Variants in COL19A1 observed in about 807,000 individuals in gnomAD.
The protein encoded by COL19A1 is collagen alpha-1(XIX) chain.
COL19A1 carries 159 observed loss-of-function variants against 190.2 expected under a neutral mutation model. That is an observed-to-expected ratio of 0.84 (90% CI 0.73 to 0.95). The LOEUF (loss-of-function observed/expected upper bound fraction) is 0.95. Among genes scored for constraint, COL19A1 ranks in the 40% least tolerant of loss-of-function variants. COL19A1 has a pLI of 0.00. For synonymous variants in COL19A1, 509 were observed against 458.9 expected, an observed-to-expected ratio of 1.11 and a Z score of -1.39; for missense variants, 1,418 against 1,431.9, an observed-to-expected ratio of 0.99 and a Z score of 0.16.
intron 2 of COL19A1, among the ~76,000 whole-genome samples, chr6:69,894,723 A>G (rs1219065340): frequency 6.6e-6 from 1 of 152,214 alleles, no homozygotes; most frequent in Non-Finnish European, 1.5e-5. Context: ...TGCTAAACAA[A>G]GCCTTGCCAA....
At position 69,870,821 on chromosome 6, in the gene COL19A1, C is replaced by T. The variant is rs565846472; in HGVS notation, c.-33+4181C>T. Among the ~76,000 whole-genome samples, 38 of 152,252 alleles carry T rather than the reference C, an allele frequency of 2.5e-4. No homozygotes were observed. In the South Asian group the frequency reaches 7.7e-3, roughly 31 times the overall value. On this transcript the variant is annotated intron_variant, in intron 1 of 50. Transcript: ENST00000620364. The stretch of plus-strand genomic sequence containing the variant: ...TTTTCCAGATTAGGAATGGTAAAAA[C>T]GTGAACTAAGGCAGTTTCAGCGAGG...
intron 12 of COL19A1, among the ~76,000 whole-genome samples, chr6:70,029,238 A>G (rs1778895876): frequency 6.6e-6 from 1 of 152,150 alleles, no homozygotes; most frequent in South Asian, 2.1e-4. Context: ...AACAAATAAT[A>G]TTTTTATATT....
At chr6:69,966,839 C>G (rs1027495695) in intron 11 of COL19A1, among the ~76,000 whole-genome samples, 1 of 151,130 alleles carries the variant, frequency 6.6e-6, no homozygotes, top group African/African-American at 2.4e-5. Flanking sequence ...GCTCTTCACT[C>G]CTTAACCCTG....
At position 70,156,121 on chromosome 6, in the gene COL19A1, CATT is replaced by C. The variant is rs762167829; in HGVS notation, c.2080-4_2080-2del. 8 of 1,611,516 alleles carry C rather than the reference CATT, an allele frequency of 5.0e-6. No homozygotes were observed. In the African/African-American group the frequency reaches 6.7e-5, roughly 13 times the overall value. On this transcript the variant is annotated splice_polypyrimidine_tract_variant and splice_region_variant and intron_variant, in intron 31 of 50. Coordinates refer to ENST00000620364, the MANE Select transcript of COL19A1 (RefSeq NM_001858.6). Reference sequence around the variant, plus strand: ...CCCTCAGTAACCTTATCTTTATACTCATTAGAATTTCTGTGGCAACTGCCAAGC... The same window carrying C: ...CCCTCAGTAACCTTATCTTTATACTCAGAATTTCTGTGGCAACTGCCAAGC...
intron 49 of COL19A1, 59 bp downstream of exon 49, chr6:70,199,795 G>A: frequency 6.6e-7 from 1 of 1,508,354 alleles, no homozygotes; most frequent in Non-Finnish European, 8.9e-7. Context: ...TTTATAACAT[G>A]TTAGTCACAG....
Position 70,029,754 on chromosome 6 carries a change from G to A in COL19A1, c.1081-4491G>A, listed in dbSNP as rs3793037. On this transcript the variant is annotated intron_variant, in intron 12 of 50. Transcript: ENST00000620364. ...TAAAAGTAGAAGCTTGACAAATGCAGTACTTCTCAATTGCATTTTATCCTA... is the reference window on the plus strand; with the variant it reads ...TAAAAGTAGAAGCTTGACAAATGCAATACTTCTCAATTGCATTTTATCCTA... Among the ~76,000 whole-genome samples, 1,082 of 152,282 alleles carry A rather than the reference G, an allele frequency of 7.1e-3. 25 individuals carry two copies. In the East Asian group the frequency reaches 0.086, roughly 12 times the overall value.
intron 14 of COL19A1, among the ~76,000 whole-genome samples, chr6:70,064,427 C>G (rs1448822958): frequency 6.6e-6 from 1 of 152,164 alleles, no homozygotes. Flanking sequence ...ATGCTAAAAA[C>G]TCTCAATAAA....
At chr6:70,192,714 A>C (rs188068746) in intron 48 of COL19A1, among the ~76,000 whole-genome samples, 70 of 152,348 alleles carry the variant, frequency 4.6e-4, no homozygotes, top group Non-Finnish European at 1.0e-4. Flanking sequence ...ACTTGTTAAA[A>C]AATGATTAAG....
At chr6:70,001,994 A>G (rs1582654033) in intron 11 of COL19A1, among the ~76,000 whole-genome samples, 1 of 152,042 alleles carries the variant, frequency 6.6e-6, no homozygotes, top group Non-Finnish European at 1.5e-5. Context: ...ATGATATTGG[A>G]TGTGGGTTTA....
chr6:70,184,983 C>A, intron 46 of COL19A1, 68 bp downstream of exon 46: 2 of 1,489,278 alleles, frequency 1.3e-6, no homozygotes, highest in Non-Finnish European at 1.8e-6. Flanking sequence ...ATTTGAGTTA[C>A]ACAATTATGT....
chr6:69,954,271 C>G (rs567884322), intron 9 of COL19A1, among the ~76,000 whole-genome samples: 1 of 151,974 alleles, frequency 6.6e-6, no homozygotes, highest in South Asian at 2.1e-4. Flanking sequence ...GTCTATACAC[C>G]CTGCTAAAAT....
Position 70,180,340 on chromosome 6 carries a change from G to A in COL19A1, c.2696G>A (p.Gly899Glu), listed in dbSNP as rs1766092582. ...SGKPGAPGPP[G>E]VPGEPGERGP... is the part of the protein sequence containing the mutation. ...AAACCTGGTGCCCCAGGGCCTCCAGGAGTTCCAGGGGAACCGGTGAGTTGG... is the reference window on the plus strand; with the variant it reads ...AAACCTGGTGCCCCAGGGCCTCCAGAAGTTCCAGGGGAACCGGTGAGTTGG... Residue 899 changes from glycine to glutamate, a missense_variant, in exon 43 of 51, where the codon GGA becomes GAA. Physicochemically the swap from Gly to Glu is moderately conservative, Grantham distance 98. Coordinates refer to ENST00000620364, the MANE Select transcript of COL19A1 (RefSeq NM_001858.6). 6.2e-7 allele frequency: 1 copy of A among 1,614,018 alleles called. No individual in the cohort carries two copies. Among genetic ancestry groups the A allele is most frequent in the Non-Finnish European group, 8.5e-7 (1 of 1,180,024 alleles).
intron 15 of COL19A1, among the ~76,000 whole-genome samples, chr6:70,073,739 A>G (rs867417676): frequency 1.3e-5 from 2 of 152,164 alleles, no homozygotes; most frequent in Non-Finnish European, 2.9e-5. Flanking sequence ...AGAGTAGACT[A>G]TTGCCTTTTC....
At chr6:70,039,491 A>T (rs1779526408) in intron 14 of COL19A1, among the ~76,000 whole-genome samples, 1 of 152,194 alleles carries the variant, frequency 6.6e-6, no homozygotes, top group Non-Finnish European at 1.5e-5. Flanking sequence ...GTCCAACAGT[A>T]ATCCTTCTTG....
At chr6:69,935,674 T>C (rs1395888608) in intron 7 of COL19A1, among the ~76,000 whole-genome samples, 1 of 151,850 alleles carries the variant, frequency 6.6e-6, no homozygotes, top group Non-Finnish European at 1.5e-5. Flanking sequence ...CAGTTTTTAT[T>C]GTAATTATCA....
In COL19A1 at chr6:70,142,043, A is replaced by AC; in HGVS notation, c.1544dup (p.Gly516TrpfsTer42). On this transcript the variant is annotated frameshift_variant, in exon 22 of 51. Coordinates refer to ENST00000620364, the MANE Select transcript of COL19A1 (RefSeq NM_001858.6). LOFTEE classifies it high-confidence loss of function. ...TTTAGGGTGAACCTGGAGATCCCGGACCCCCTGGTTTAATAGGAAGCCCAG... is the reference window on the plus strand; with the variant it reads ...TTTAGGGTGAACCTGGAGATCCCGGACCCCCCTGGTTTAATAGGAAGCCCAG... 1 of 1,612,296 alleles carries AC rather than the reference A, an allele frequency of 6.2e-7. No homozygotes were observed. Among genetic ancestry groups the AC allele is most frequent in the South Asian group, 1.1e-5 (1 of 91,020 alleles).
In COL19A1 at chr6:69,921,247, GTCATATATCATA is replaced by G. The variant is rs1771748800; in HGVS notation, c.267-6648_267-6637del. Among the ~76,000 whole-genome samples, 4 of 125,884 alleles carry G rather than the reference GTCATATATCATA, an allele frequency of 3.2e-5. No individual in the cohort carries two copies. The South Asian group carries it at 9.7e-4, about 31-fold the overall frequency. The allele number at this position is 125,884 out of a possible 152,430, so 82.6% of individuals were successfully genotyped here. ...CCATATGTATTATATATCCATATAT[GTCATATATCATA>G]TCATATATCATATATATCATATATC... On this transcript the variant is annotated intron_variant, in intron 4 of 50. Transcript: ENST00000620364.
chr6:70,038,670 A>G (rs1779479837), intron 14 of COL19A1, among the ~76,000 whole-genome samples: 1 of 152,154 alleles, frequency 6.6e-6, no homozygotes, highest in Non-Finnish European at 1.5e-5. Flanking sequence ...TTAAAATTTA[A>G]TGTATGTAGG....
At chr6:69,982,799 C>T (rs778067915) in intron 11 of COL19A1, among the ~76,000 whole-genome samples, 13 of 150,588 alleles carry the variant, frequency 8.6e-5, no homozygotes, top group East Asian at 2.0e-4. Flanking sequence ...AGTGAAACCC[C>T]GTCTCTACTA....
Sources: allele counts gnomAD v4.1 joint callset (sites outside exome capture counted in the v4.1 genomes callset), GRCh38; gene constraint gnomAD v4.1.1; transcripts MANE v1.5; gene names NCBI Gene and HGNC (gene_info 2026-07-23, HGNC 2026-07-21).